The following SNX7 variants were observed in gnomAD, a reference collection of about 807,000 sequenced individuals.
SNX7 encodes the protein sorting nexin-7.
SNX7 carries 35 observed loss-of-function variants against 48.4 expected under a neutral mutation model. The ratio of observed to expected loss-of-function variants is 0.72; its 90% CI spans 0.55 to 0.96. The LOEUF is 0.96. Ranked by LOEUF, SNX7 falls within the 40% of genes least tolerant of loss-of-function variation. The probability of loss-of-function intolerance (pLI) is 0.00; values close to 1 mark genes in which losing one functional copy is unlikely to be tolerated. For synonymous variants in SNX7, 190 were observed against 190.2 expected (o/e 1.00, Z 0.01); for missense variants, 553 against 548.9 (o/e 1.01, Z -0.07).
intron 4 of SNX7, 86 bp from the exon 5 acceptor site, chr1:98,695,432 T>C: frequency 7.8e-7 from 1 of 1,278,358 alleles, no homozygotes; most frequent in Non-Finnish European, 1.1e-6. Flanking sequence ...ATCTTGATTT[T>C]ATTCTCCTAA....
chr1:98,684,869 A>T lies in SNX7; in HGVS notation c.181-16A>T, dbSNP rs752810024. Reference sequence around the variant, plus strand: ...TTTTTCTATTGATACTAATTTTTGAATGTTTTATTTCTTAGGATGCCTCAT... The same window carrying T: ...TTTTTCTATTGATACTAATTTTTGATTGTTTTATTTCTTAGGATGCCTCAT... On this transcript the variant is annotated splice_polypyrimidine_tract_variant and intron_variant, in intron 1 of 8. Coordinates refer to ENST00000306121, the MANE Select transcript of SNX7 (RefSeq NM_015976.5). The T allele has an allele frequency of 2.1e-6, 3 of 1,456,674 alleles. No homozygotes were observed. Among genetic ancestry groups the T allele is most frequent in the South Asian group, 1.6e-5 (1 of 61,988 alleles). The allele number at this position is 1,456,674 out of a possible 1,614,324, so 90.2% of individuals were successfully genotyped here. A position where few individuals can be genotyped will look rare whatever the true frequency, so the allele number is the denominator to read the frequency against.
At chr1:98,681,420 T>G (rs1650483672) in intron 1 of SNX7, among the ~76,000 whole-genome samples, 1 of 152,128 alleles carries the variant, frequency 6.6e-6, no homozygotes, top group East Asian at 1.9e-4. Flanking sequence ...TAGCAAGACC[T>G]TATCACTATA....
intron 2 of SNX7, among the ~76,000 whole-genome samples, chr1:98,687,159 C>T (rs745521312): frequency 2.6e-5 from 4 of 152,114 alleles, no homozygotes; most frequent in South Asian, 2.1e-4. Flanking sequence ...AATCCTCAAA[C>T]GTAGATATTA....
rs13376394 is a variant in SNX7 at position 98,670,988 on chromosome 1, A to G, written c.180+9077A>G. On this transcript the variant is annotated intron_variant, in intron 1 of 8. Transcript: ENST00000306121. ...TCCAGATTTAAACTTAGTGTACTCT[A>G]AAAAGAATACTTTATTTCCGTGAGT... is the stretch of plus-strand genomic sequence containing the variant. 9.5e-3 allele frequency among the ~76,000 whole-genome samples: 1,449 copies of G among 152,280 alleles called. 30 individuals are homozygous for G. The highest frequency in any genetic ancestry group is 0.033 in the African/African-American group (1,390 of 41,538).
At position 98,694,596 on chromosome 1, in the gene SNX7, A is replaced by ATTTTTTTTTTTT. The variant is rs764330196; in HGVS notation, c.640-904_640-893dup. Among the ~76,000 whole-genome samples the ATTTTTTTTTTTT allele has an allele frequency of 2.8e-4, 15 of 53,224 alleles. 3 individuals carry two copies. The highest frequency in any genetic ancestry group is 4.0e-4 in the Non-Finnish European group (13 of 32,860). The allele number at this position is 53,224 out of a possible 152,430, so 34.9% of individuals were successfully genotyped here. ...TGCTCTACCACTTAATTGCTCTGGG[A>ATTTTTTTTTTTT]TTTTTTTTTTTTTTTTTTTTTTTTT... On this transcript the variant is annotated intron_variant, in intron 4 of 8. Transcript: ENST00000306121.
At chr1:98,750,274 C>A (rs1482136) in intron 8 of SNX7, among the ~76,000 whole-genome samples, 107,670 of 151,756 alleles carry the variant, frequency 0.71, 39,696 homozygotes, top group South Asian at 0.82. Context: ...TTACCTATGG[C>A]GATATCAACT....
intron 1 of SNX7, among the ~76,000 whole-genome samples, chr1:98,670,960 G>T (rs545597709): frequency 1.3e-5 from 2 of 152,182 alleles, no homozygotes; most frequent in African/African-American, 4.8e-5. Flanking sequence ...GATGTTAAAA[G>T]GCTCCAGATT....
At chr1:98,672,262 G>A (rs892703406) in intron 1 of SNX7, among the ~76,000 whole-genome samples, 1 of 151,794 alleles carries the variant, frequency 6.6e-6, no homozygotes, top group Non-Finnish European at 1.5e-5. Context: ...CTTCATTTTG[G>A]GATCAAGACT....
chr1:98,755,639 A>T (rs999349509), intron 8 of SNX7, among the ~76,000 whole-genome samples: 1 of 151,828 alleles, frequency 6.6e-6, no homozygotes, highest in Non-Finnish European at 1.5e-5. Flanking sequence ...ATTTTTAATT[A>T]AAAAAATAAA....
At chr1:98,724,929 G>A (rs1653087645) in intron 7 of SNX7, among the ~76,000 whole-genome samples, 1 of 152,104 alleles carries the variant, frequency 6.6e-6, no homozygotes, top group South Asian at 2.1e-4. Flanking sequence ...GAATCATCAT[G>A]CTAAAGTATA....
At chr1:98,695,202 A>T (rs1651384376) in intron 4 of SNX7, among the ~76,000 whole-genome samples, 1 of 152,176 alleles carries the variant, frequency 6.6e-6, no homozygotes, top group African/African-American at 2.4e-5. Flanking sequence ...ATGTCATATT[A>T]TCCTTATCTC....
chr1:98,756,866 C>G (rs528584660), intron 8 of SNX7, among the ~76,000 whole-genome samples: 2 of 151,956 alleles, frequency 1.3e-5, no homozygotes, highest in Non-Finnish European at 2.9e-5. Flanking sequence ...GATATTCGTC[C>G]CCACCCAAAT....
rs1468990615 is a variant in SNX7 at position 98,698,128 on chromosome 1, G to A, written c.839-578G>A. 2.0e-5 allele frequency among the ~76,000 whole-genome samples: 3 copies of A among 152,122 alleles called. No individual in the cohort carries two copies. The East Asian group carries it at 5.8e-4, about 29-fold the overall frequency. ...ATAAAAATAGAGGGAGAATAGTTAG[G>A]AGACCCTTGAAGCAGTACAGATTAG... On this transcript the variant is annotated intron_variant, in intron 5 of 8. Transcript: ENST00000306121.
intron 1 of SNX7, among the ~76,000 whole-genome samples, chr1:98,678,804 ATTAAT>A (rs1274006258): frequency 6.6e-6 from 1 of 152,352 alleles, no homozygotes; most frequent in African/African-American, 2.4e-5. Context: ...TAGTCATATA[ATTAAT>A]TTAAACAAAA....
At chr1:98,666,514 A>G (rs4469760) in intron 1 of SNX7, among the ~76,000 whole-genome samples, 36,117 of 152,000 alleles carry the variant, frequency 0.24, 4,417 homozygotes, top group East Asian at 0.33. Flanking sequence ...TGCTAAGGTG[A>G]TGTCATCTAT....
chr1:98,696,401 G>C (rs774557260), intron 5 of SNX7, among the ~76,000 whole-genome samples: 1 of 151,938 alleles, frequency 6.6e-6, no homozygotes, highest in Non-Finnish European at 1.5e-5. Flanking sequence ...CTACTTAACT[G>C]TACTGCCAGT....
chr1:98,676,820 A>C (rs1425645591), intron 1 of SNX7, among the ~76,000 whole-genome samples: 1 of 152,214 alleles, frequency 6.6e-6, no homozygotes, highest in Non-Finnish European at 1.5e-5. Flanking sequence ...ATCAGGTCCA[A>C]CTTTGTAATT....
At chr1:98,731,228 T>C (rs1000432484) in intron 7 of SNX7, among the ~76,000 whole-genome samples, 1 of 152,076 alleles carries the variant, frequency 6.6e-6, no homozygotes, top group East Asian at 1.9e-4. Context: ...AAAAATTTTT[T>C]AAAAAGTATA....
chr1:98,661,847 C>A lies in SNX7; in HGVS notation c.116C>A (p.Ala39Asp). Residue 39 changes from alanine to aspartate, a missense_variant, in exon 1 of 9, where the codon GCC (alanine) becomes GAC (aspartate). By Grantham distance (126) the Ala-to-Asp change is moderately radical. Coordinates refer to ENST00000306121, the MANE Select transcript of SNX7 (RefSeq NM_015976.5). ...TTTCCGGGCAGCAGTGGCTCTTCCG[C>A]CCTGCTGCAGGCGGAGGTGCTGGAT... ...APFPGSSGSSALLQAEVLDLD... is the reference protein window; with the variant it reads ...APFPGSSGSSDLLQAEVLDLD... 3 of 1,246,664 alleles carry A rather than the reference C, an allele frequency of 2.4e-6. No homozygotes were observed. Among genetic ancestry groups the A allele is most frequent in the Non-Finnish European group, 3.0e-6 (3 of 987,428 alleles). The allele number at this position is 1,246,664 out of a possible 1,614,324, so 77.2% of individuals were successfully genotyped here. A position where few individuals can be genotyped will look rare whatever the true frequency, so the allele number is the denominator to read the frequency against.
Sources: gnomAD v4.1 joint callset for allele counts (sites outside exome capture counted in the v4.1 genomes callset) on GRCh38, gnomAD v4.1.1 for gene constraint, MANE v1.5 for transcripts, NCBI Gene and HGNC (gene_info 2026-07-23, HGNC 2026-07-21) for gene names.